The following CSMD3 variants were observed in gnomAD, a reference collection of about 807,000 sequenced individuals.
The protein encoded by CSMD3 is CUB and Sushi multiple domains 3.
CSMD3 carries 177 observed loss-of-function variants against 435.2 expected under a neutral mutation model. That is an observed-to-expected ratio of 0.41 (90% CI 0.36 to 0.46). The LOEUF (loss-of-function observed/expected upper bound fraction) is 0.46, where lower values mean the gene tolerates loss of function less well. Ranked by LOEUF, CSMD3 falls within the 20% of genes least tolerant of loss-of-function variation. The probability of loss-of-function intolerance (pLI) is 0.34; values close to 1 mark genes in which losing one functional copy is unlikely to be tolerated. For synonymous variants in CSMD3, 1,656 were observed against 1,520.5 expected (o/e 1.09, Z -2.07); for missense variants, 4,265 against 4,504.6 (o/e 0.95, Z 1.52).
Position 112,224,811 on chromosome 8 carries a change from C to T in CSMD3, c.11084G>A (p.Arg3695Gln), listed in dbSNP as rs747508555. 1.1e-5 allele frequency: 18 copies of T among 1,614,010 alleles called. No individual in the cohort carries two copies. Among genetic ancestry groups the T allele is most frequent in the Middle Eastern group, 1.6e-4 (1 of 6,062 alleles). The change falls in exon 71 of 71, where the codon CGA becomes CAA. Residue 3695 changes from arginine (R) to glutamine (Q), a missense_variant. By Grantham distance (43) the Arg-to-Gln change is conservative. Around this residue, in one of 3 missense-constraint regions of CSMD3, gnomAD observed 3,255 missense variants for 3,380.2 expected, o/e 0.96. Transcript: ENST00000297405. ...NAKSVEGKAV[R>Q]FDPNLNTVCT... ...AACCGTGTTCAAGTTGGGATCAAATCGTACCGCCTTCCCTTCCACTGACTT... is the reference window on the plus strand; with the variant it reads ...AACCGTGTTCAAGTTGGGATCAAATTGTACCGCCTTCCCTTCCACTGACTT...
chr8:113,236,001 G>A (rs1285484883), intron 3 of CSMD3, among the ~76,000 whole-genome samples: 1 of 152,062 alleles, frequency 6.6e-6, no homozygotes, highest in East Asian at 1.9e-4. Flanking sequence ...AGCCAAAGAA[G>A]GTATTAGCTA....
intron 1 of CSMD3, among the ~76,000 whole-genome samples, chr8:113,390,427 G>A (rs939173306): frequency 2.0e-5 from 3 of 151,710 alleles, no homozygotes; most frequent in African/African-American, 7.3e-5. Context: ...CATTTCCTCT[G>A]TGGAACATTT....
At chr8:112,545,498 A>AT (rs1304263865) in intron 27 of CSMD3, among the ~76,000 whole-genome samples, 66 of 141,196 alleles carry the variant, frequency 4.7e-4, no homozygotes, top group African/African-American at 1.4e-3. Context: ...AAAAAAAAAA[A>AT]AAAAATAATA....
chr8:113,049,670 T>C (rs2088000631), intron 5 of CSMD3, among the ~76,000 whole-genome samples: 1 of 152,202 alleles, frequency 6.6e-6, no homozygotes, highest in South Asian at 2.1e-4. Context: ...ATGTTGACAT[T>C]TTCAATTGTA....
chr8:113,364,824 A>G (rs2094300946), intron 1 of CSMD3, among the ~76,000 whole-genome samples: 1 of 152,144 alleles, frequency 6.6e-6, no homozygotes, highest in Non-Finnish European at 1.5e-5. Flanking sequence ...ATACCAAAAC[A>G]TGTTACATCA....
At chr8:113,142,711 A>C (rs2091578208) in intron 4 of CSMD3, among the ~76,000 whole-genome samples, 1 of 151,058 alleles carries the variant, frequency 6.6e-6, no homozygotes, top group Admixed American at 6.6e-5. Flanking sequence ...GTCAACAATA[A>C]TTTACTGTAC....
intron 11 of CSMD3, among the ~76,000 whole-genome samples, chr8:112,833,736 C>T (rs2079944987): frequency 2.0e-5 from 3 of 151,280 alleles, no homozygotes; most frequent in Admixed American, 2.0e-4. Context: ...GGTATTCATA[C>T]ATAGTTTTAT....
intron 5 of CSMD3, among the ~76,000 whole-genome samples, chr8:113,045,186 C>T (rs1279595106): frequency 6.7e-6 from 1 of 148,968 alleles, no homozygotes; most frequent in African/African-American, 2.4e-5. Context: ...CAAAACAAAA[C>T]AAACAACAAC....
At chr8:112,751,177 C>T (rs963089138) in intron 13 of CSMD3, among the ~76,000 whole-genome samples, 2 of 152,008 alleles carry the variant, frequency 1.3e-5, no homozygotes, top group Admixed American at 6.5e-5. Flanking sequence ...GAACTGAGTC[C>T]ATTAAACCTC....
At chr8:112,449,286 T>C (rs544642780) in intron 32 of CSMD3, among the ~76,000 whole-genome samples, 3 of 152,326 alleles carry the variant, frequency 2.0e-5, no homozygotes, top group African/African-American at 7.2e-5. Flanking sequence ...TTTGTTTTTG[T>C]GTTTAAAACA....
chr8:112,609,201 CAAAAAAAAAAAA>C lies in CSMD3; in HGVS notation c.3716-21978_3716-21967del, dbSNP rs71566035. Among the ~76,000 whole-genome samples the C allele has an allele frequency of 9.9e-3, 427 of 43,100 alleles. 5 individuals carry two copies. The highest frequency in any genetic ancestry group is 0.013 in the Admixed American group (39 of 3,038). The allele number at this position is 43,100 out of a possible 152,430, so 28.3% of individuals were successfully genotyped here. ...TGGGTGACAGAGAAAGATACTGCCTCAAAAAAAAAAAAAAAAAAAAAAAAAAAAAAAGAATAG... is the reference window on the plus strand; with the variant it reads ...TGGGTGACAGAGAAAGATACTGCCTCAAAAAAAAAAAAAAAAAAAGAATAG... On this transcript the variant is annotated intron_variant, in intron 22 of 70. Transcript: ENST00000297405.
intron 5 of CSMD3, among the ~76,000 whole-genome samples, chr8:113,066,996 C>T (rs1564275400): frequency 6.6e-6 from 1 of 152,008 alleles, no homozygotes; most frequent in African/African-American, 2.4e-5. Context: ...GAACTAAAAC[C>T]TGAAGAATCA....
intron 1 of CSMD3, among the ~76,000 whole-genome samples, chr8:113,328,406 C>A (rs2094000381): frequency 1.4e-5 from 2 of 147,570 alleles, no homozygotes; most frequent in African/African-American, 2.5e-5. Flanking sequence ...CCACTGCACT[C>A]CAGCCTGGGC....
intron 62 of CSMD3, among the ~76,000 whole-genome samples, chr8:112,254,765 A>G (rs1231873787): frequency 1.3e-5 from 2 of 152,140 alleles, no homozygotes; most frequent in Non-Finnish European, 2.9e-5. Flanking sequence ...TGACACCCAT[A>G]GGATATTCAG....
chr8:113,222,153 T>G (rs1455304248), intron 3 of CSMD3, among the ~76,000 whole-genome samples: 1 of 151,338 alleles, frequency 6.6e-6, no homozygotes, highest in African/African-American at 2.4e-5. Context: ...TACAAAGGCT[T>G]TGGAAATTAG....
At chr8:112,300,071 T>G (rs1820763763) in intron 53 of CSMD3, among the ~76,000 whole-genome samples, 1 of 149,014 alleles carries the variant, frequency 6.7e-6, no homozygotes, top group South Asian at 2.1e-4. Flanking sequence ...AAAATGCTTT[T>G]AAAATTTAGT....
At chr8:113,195,814 T>TATATATATAC (rs1344054794) in intron 3 of CSMD3, among the ~76,000 whole-genome samples, 37 of 133,440 alleles carry the variant, frequency 2.8e-4, no homozygotes, top group African/African-American at 9.1e-4. Flanking sequence ...TATATATATA[T>TATATATATAC]ACACACACAC....
intron 5 of CSMD3, among the ~76,000 whole-genome samples, chr8:113,094,571 A>G (rs939701883): frequency 2.6e-5 from 4 of 152,196 alleles, no homozygotes; most frequent in Non-Finnish European, 5.9e-5. Context: ...CTACTAATCT[A>G]TTTATCACTA....
At chr8:112,953,663 C>T (rs150816616) in intron 8 of CSMD3, among the ~76,000 whole-genome samples, 78 of 151,160 alleles carry the variant, frequency 5.2e-4, no homozygotes, top group Middle Eastern at 6.8e-3. Flanking sequence ...GTTTGTTTCT[C>T]GATAATTGAT....
Sources: allele counts gnomAD v4.1 joint callset (sites outside exome capture counted in the v4.1 genomes callset), GRCh38; gene constraint gnomAD v4.1.1; regional missense constraint gnomAD v4.1.1; transcripts MANE v1.5; gene names NCBI Gene and HGNC (gene_info 2026-07-23, HGNC 2026-07-21).